RAP1GAP: variants seen among roughly 807,000 people sequenced by gnomAD.
RAP1GAP encodes RAP1 GTPase activating protein.
Under a neutral mutation model 87.2 loss-of-function variants are expected in RAP1GAP, and 35 were observed. The observed-to-expected ratio is 0.40, with a 90% CI of 0.31 to 0.53. The LOEUF (loss-of-function observed/expected upper bound fraction) is 0.53, where lower values mean the gene tolerates loss of function less well. Among genes scored for constraint, RAP1GAP ranks in the 20% least tolerant of loss-of-function variants. The probability of loss-of-function intolerance (pLI) is 0.48; values close to 1 mark genes in which losing one functional copy is unlikely to be tolerated. For synonymous variants in RAP1GAP, 375 were observed against 363.9 expected, an observed-to-expected ratio of 1.03 and a Z score of -0.35; for missense variants, 734 against 898.9, an observed-to-expected ratio of 0.82 and a Z score of 2.35.
chr1:21,664,885 A>G (rs2097288006), intron 1 of RAP1GAP, among the ~76,000 whole-genome samples: 1 of 152,162 alleles, frequency 6.6e-6, no homozygotes, highest in Non-Finnish European at 1.5e-5. Context: ...AGCAGTTCCC[A>G]GCCAGTATGT....
rs540058469 is a variant in RAP1GAP at position 21,631,635 on chromosome 1, G to A, written c.-112-5238C>T. On this transcript the variant is annotated intron_variant, in intron 2 of 24. Transcript: ENST00000374765. Reference sequence around the variant, plus strand: ...CAGGAGGCGGAGGTTGCAGTGAGCCGAGATTGCGCCATTGCACTCCAGCCT... The same window carrying A: ...CAGGAGGCGGAGGTTGCAGTGAGCCAAGATTGCGCCATTGCACTCCAGCCT... 1.1e-4 allele frequency among the ~76,000 whole-genome samples: 17 copies of A among 152,294 alleles called. No individual in the cohort carries two copies. In the East Asian group the frequency reaches 2.5e-3, roughly 23 times the overall value.
intron 2 of RAP1GAP, among the ~76,000 whole-genome samples, chr1:21,638,158 A>AG (rs1335498689): frequency 2.0e-5 from 3 of 148,632 alleles, no homozygotes; most frequent in Non-Finnish European, 3.0e-5. Flanking sequence ...TAAAAAAAAA[A>AG]AAAAGAAAAG....
At chr1:21,602,671 C>A (rs1227989056) in intron 19 of RAP1GAP, 133 bp downstream of exon 19, 2 of 751,586 alleles carry the variant, frequency 2.7e-6, no homozygotes, top group Non-Finnish European at 4.1e-6. Flanking sequence ...AGGGACTTGA[C>A]CACACAGCTG....
Position 21,603,773 on chromosome 1 carries a change from G to C in RAP1GAP, c.1429-860C>G, listed in dbSNP as rs371616698. On this transcript the variant is annotated intron_variant, in intron 18 of 24. Coordinates refer to ENST00000374765, the MANE Select transcript of RAP1GAP (RefSeq NM_002885.4). The surrounding 1 kb of genome is among the most constrained non-coding windows in gnomAD (Gnocchi z 6.0). ...GTCCCCAATATGGCCTCCGTCCTGA[G>C]AGCGAGCAGAGAACAGCGCGTGCAG... The C allele has an allele frequency of 5.9e-6, 9 of 1,525,596 alleles. No homozygotes were observed. In the African/African-American group the frequency reaches 1.1e-4, roughly 19 times the overall value. The allele number at this position is 1,525,596 out of a possible 1,614,324, so 94.5% of individuals were successfully genotyped here.
chr1:21,610,364 G>A, intron 13 of RAP1GAP, 89 bp from the exon 14 acceptor site: 5 of 1,370,608 alleles, frequency 3.6e-6, no homozygotes, highest in Non-Finnish European at 4.1e-6. Context: ...AGGGTTTGGG[G>A]TAGTCAGAGG....
intron 5 of RAP1GAP, among the ~76,000 whole-genome samples, chr1:21,618,331 T>A (rs1446241915): frequency 6.6e-6 from 1 of 152,172 alleles, no homozygotes; most frequent in Non-Finnish European, 1.5e-5. Context: ...TGTGAGGGCC[T>A]CTGCCCCAAA....
At chr1:21,658,909 C>G (rs1485395793) in intron 1 of RAP1GAP, among the ~76,000 whole-genome samples, 1 of 146,790 alleles carries the variant, frequency 6.8e-6, no homozygotes, top group Non-Finnish European at 1.5e-5. Context: ...GGCTTATTTC[C>G]TAGGAATATC....
At chr1:21,640,255 C>T (rs2095396144) in intron 2 of RAP1GAP, among the ~76,000 whole-genome samples, 1 of 152,180 alleles carries the variant, frequency 6.6e-6, no homozygotes, top group South Asian at 2.1e-4. Flanking sequence ...TCTTCCAGAG[C>T]CCCCTCCCCA....
chr1:21,606,260 C>G lies in RAP1GAP; in HGVS notation c.1297-63G>C, dbSNP rs371163413. The G allele has an allele frequency of 2.7e-5, 41 of 1,529,644 alleles. No individual in the cohort carries two copies. The East Asian group carries it at 7.8e-4, about 29-fold the overall frequency. The allele number at this position is 1,529,644 out of a possible 1,614,324, so 94.8% of individuals were successfully genotyped here. On this transcript the variant is annotated intron_variant, in intron 17 of 24. Transcript: ENST00000374765. ...CTAAGGGCCGTCCCCTTGGGGAAAC[C>G]CAGGAGCCCAGGCATCTGGTCTCTC... is the stretch of plus-strand genomic sequence containing the variant.
intron 1 of RAP1GAP, among the ~76,000 whole-genome samples, chr1:21,664,704 G>A (rs767263088): frequency 2.0e-5 from 3 of 152,026 alleles, no homozygotes; most frequent in Admixed American, 1.3e-4. Flanking sequence ...CGAAGTTACG[G>A]AAAAAATTCT....
intron 2 of RAP1GAP, among the ~76,000 whole-genome samples, chr1:21,641,147 T>C (rs2095491435): frequency 6.7e-6 from 1 of 149,946 alleles, no homozygotes; most frequent in African/African-American, 2.5e-5. Context: ...CTCAAACTCC[T>C]GACCTCTGGT....
Position 21,603,837 on chromosome 1 carries a change from C to T in RAP1GAP, c.1429-924G>A. ...CCGGCGGCCCCGCGGACGACAACCT[C>T]TTCCACGGTTCCTATGCCTATGGCA... On this transcript the variant is annotated intron_variant, in intron 18 of 24. Coordinates refer to ENST00000374765, the MANE Select transcript of RAP1GAP (RefSeq NM_002885.4). This position sits in a 1 kb window ranked among gnomAD's most constrained non-coding sequence, Gnocchi z 6.0. The T allele has an allele frequency of 3.1e-6, 5 of 1,610,802 alleles. No homozygotes were observed. Among genetic ancestry groups the T allele is most frequent in the Non-Finnish European group, 4.2e-6 (5 of 1,178,708 alleles).
chr1:21,598,215 G>A (rs932837540), intron 22 of RAP1GAP, 151 bp from the exon 23 acceptor site: 5 of 762,224 alleles, frequency 6.6e-6, no homozygotes, highest in South Asian at 1.8e-5. Flanking sequence ...AGACCCTTCC[G>A]GAAGAAACCA....
chr1:21,597,880 C>T (rs762525199), intron 23 of RAP1GAP, 81 bp downstream of exon 23: 7 of 1,500,678 alleles, frequency 4.7e-6, no homozygotes, highest in Non-Finnish European at 5.4e-6. Flanking sequence ...CTTGGTCGAG[C>T]CTCAGCTCCC....
chr1:21,661,738 C>G (rs1272587929), intron 1 of RAP1GAP, among the ~76,000 whole-genome samples: 1 of 152,258 alleles, frequency 6.6e-6, no homozygotes, highest in Non-Finnish European at 1.5e-5. Context: ...AGTACTATTA[C>G]TGGACACGTG....
At chr1:21,614,329 A>G (rs546989909) in intron 7 of RAP1GAP, among the ~76,000 whole-genome samples, 192 of 152,322 alleles carry the variant, frequency 1.3e-3, no homozygotes, top group African/African-American at 4.4e-3. Context: ...AGTCTGCCAA[A>G]TAGGAGGGAA....
In RAP1GAP at chr1:21,603,429, CT is replaced by C. The variant is rs1294639470; in HGVS notation, c.1429-517del. On this transcript the variant is annotated intron_variant, in intron 18 of 24. Transcript: ENST00000374765. This position sits in a 1 kb window ranked among gnomAD's most constrained non-coding sequence, Gnocchi z 6.0. Reference sequence around the variant, plus strand: ...CCAGGCCCCAGAAGCCCGCCCCCAGCTTCTCTGGAGGCAGGAAGGGGTAGGA... The same window carrying C: ...CCAGGCCCCAGAAGCCCGCCCCCAGCTCTCTGGAGGCAGGAAGGGGTAGGA... The C allele has an allele frequency of 3.6e-6, 2 of 557,218 alleles. No homozygotes were observed. Among genetic ancestry groups the C allele is most frequent in the African/African-American group, 1.9e-5 (1 of 52,584 alleles). The allele number at this position is 557,218 out of a possible 1,614,324, so 34.5% of individuals were successfully genotyped here.
At chr1:21,629,340 T>C (rs1262759476) in intron 2 of RAP1GAP, among the ~76,000 whole-genome samples, 1 of 152,166 alleles carries the variant, frequency 6.6e-6, no homozygotes, top group Non-Finnish European at 1.5e-5. Context: ...ATGATAGCCA[T>C]GCAGCAGTCC....
At position 21,613,688 on chromosome 1, in the gene RAP1GAP, G is replaced by A. The variant is rs2079956952; in HGVS notation, c.414C>T (p.Tyr138=). Residue 138 remains tyrosine, a synonymous_variant, in exon 9 of 25, where the codon TAC becomes TAT. Coordinates refer to ENST00000374765, the MANE Select transcript of RAP1GAP (RefSeq NM_002885.4). This position sits in a 1 kb window ranked among gnomAD's most constrained non-coding sequence, Gnocchi z 4.7. ...GGCAGGAGATGGGGATGACATCATGGTATGTCCGGCACTTGGTCCTGAGAA... is the reference window on the plus strand; with the variant it reads ...GGCAGGAGATGGGGATGACATCATGATATGTCCGGCACTTGGTCCTGAGAA... ...RLLLRTKCRT[Y]HDVIPISCLT... 1.2e-6 allele frequency: 2 copies of A among 1,613,292 alleles called. No individual in the cohort carries two copies. Among genetic ancestry groups the A allele is most frequent in the Non-Finnish European group, 1.7e-6 (2 of 1,179,520 alleles).
Sources: gnomAD v4.1 joint callset for allele counts (sites outside exome capture counted in the v4.1 genomes callset) on GRCh38, gnomAD v4.1.1 for gene constraint, Gnocchi (gnomAD v3.1) non-coding constraint, MANE v1.5 for transcripts, NCBI Gene and HGNC (gene_info 2026-07-23, HGNC 2026-07-21) for gene names.